RTN4RL1: variants seen among roughly 807,000 people sequenced by gnomAD.
RTN4RL1 encodes the protein reticulon 4 receptor like 1.
In RTN4RL1, 7 loss-of-function variants were observed where a neutral mutation model predicts 25.6. The observed-to-expected ratio is 0.27, with a 90% CI of 0.16 to 0.51. The LOEUF is 0.51. Among genes scored for constraint, RTN4RL1 ranks in the 20% least tolerant of loss-of-function variants. RTN4RL1 has a pLI of 0.97. For synonymous variants in RTN4RL1, 297 were observed against 288.2 expected (o/e 1.03, Z -0.31); for missense variants, 500 against 615.6 (o/e 0.81, Z 1.99).
intron 1 of RTN4RL1, among the ~76,000 whole-genome samples, chr17:1,965,027 T>C (rs2066784116): frequency 1.3e-5 from 2 of 151,352 alleles, no homozygotes; most frequent in African/African-American, 4.8e-5. Flanking sequence ...GACATCGTGA[T>C]CCGCCCGCCT....
chr17:1,977,975 C>T (rs952506068), intron 1 of RTN4RL1, among the ~76,000 whole-genome samples: 16 of 150,518 alleles, frequency 1.1e-4, no homozygotes, highest in African/African-American at 3.7e-4. Flanking sequence ...ACCCCGCACC[C>T]CTCATCCCGC....
Position 1,937,354 on chromosome 17 carries a change from C to A in RTN4RL1, c.468G>T (p.Leu156=). Residue 156 remains leucine, a synonymous_variant, in exon 2 of 2, where the codon CTG becomes CTT. Coordinates refer to ENST00000331238, the MANE Select transcript of RTN4RL1 (RefSeq NM_178568.4). ...GGLHSLQYLY[L]QDNHIEYLQD... ...GGAGGTACTCGATGTGGTTGTCCTGCAGGTAGAGGTACTGCAGGCTGTGCA... is the reference window on the plus strand; with the variant it reads ...GGAGGTACTCGATGTGGTTGTCCTGAAGGTAGAGGTACTGCAGGCTGTGCA... 1 of 1,613,680 alleles carries A rather than the reference C, an allele frequency of 6.2e-7. No homozygotes were observed. The highest frequency in any genetic ancestry group is 8.5e-7 in the Non-Finnish European group (1 of 1,179,894).
chr17:1,957,658 T>C (rs937782588), intron 1 of RTN4RL1, among the ~76,000 whole-genome samples: 2 of 150,434 alleles, frequency 1.3e-5, no homozygotes, highest in Admixed American at 6.6e-5. Context: ...GTGGCCAACA[T>C]GGTGAAACCC....
At chr17:1,946,911 CGT>C (rs1178699712) in intron 1 of RTN4RL1, among the ~76,000 whole-genome samples, 2 of 128,004 alleles carry the variant, frequency 1.6e-5, no homozygotes, top group Non-Finnish European at 3.2e-5. Flanking sequence ...TGTGTATGCA[CGT>C]GTGTCTGTGT....
At chr17:2,015,752 C>A (rs1380748766) in intron 1 of RTN4RL1, among the ~76,000 whole-genome samples, 1 of 151,436 alleles carries the variant, frequency 6.6e-6, no homozygotes, top group Non-Finnish European at 1.5e-5. Flanking sequence ...ACAACCCCTT[C>A]CTTGATCCGG....
chr17:1,961,370 G>A (rs1005148944), intron 1 of RTN4RL1, among the ~76,000 whole-genome samples: 2 of 152,228 alleles, frequency 1.3e-5, no homozygotes, highest in Admixed American at 1.3e-4. Context: ...CCGCATGGGC[G>A]GAGGCCTGGA....
chr17:1,942,423 G>A (rs1250390287), intron 1 of RTN4RL1, among the ~76,000 whole-genome samples: 2 of 152,250 alleles, frequency 1.3e-5, no homozygotes, highest in South Asian at 4.1e-4. Flanking sequence ...ACTAGGAGAT[G>A]GGGGCTCCCA....
chr17:1,962,381 G>A (rs2066768609), intron 1 of RTN4RL1, among the ~76,000 whole-genome samples: 1 of 151,702 alleles, frequency 6.6e-6, no homozygotes, highest in Non-Finnish European at 1.5e-5. Context: ...TTTTTGAGAT[G>A]GGGTCTCACT....
chr17:1,958,900 T>C (rs1019935754), intron 1 of RTN4RL1, among the ~76,000 whole-genome samples: 1 of 152,236 alleles, frequency 6.6e-6, no homozygotes, highest in Non-Finnish European at 1.5e-5. Context: ...TTAGTCAAAA[T>C]ATATCAAATT....
At chr17:2,002,493 C>T (rs562231153) in intron 1 of RTN4RL1, among the ~76,000 whole-genome samples, 331 of 150,746 alleles carry the variant, frequency 2.2e-3, no homozygotes, top group Non-Finnish European at 3.8e-3. Context: ...GGGGTTTCAC[C>T]GTGTTAGCCA....
chr17:1,962,288 A>AAAAG (rs1369587117), intron 1 of RTN4RL1, among the ~76,000 whole-genome samples: 1 of 151,882 alleles, frequency 6.6e-6, no homozygotes, highest in African/African-American at 2.4e-5. Flanking sequence ...GGAAAAAAAA[A>AAAAG]AAAGAAAGTA....
intron 1 of RTN4RL1, among the ~76,000 whole-genome samples, chr17:1,984,704 C>A (rs1289877325): frequency 2.6e-5 from 4 of 152,256 alleles, no homozygotes; most frequent in African/African-American, 9.6e-5. Context: ...CCGTGGCTCA[C>A]GCCTGTAATC....
chr17:1,958,159 C>G (rs1417736352), intron 1 of RTN4RL1, among the ~76,000 whole-genome samples: 1 of 152,212 alleles, frequency 6.6e-6, no homozygotes, highest in African/African-American at 2.4e-5. Context: ...CACTGCACTC[C>G]AGCCTGGGAG....
intron 1 of RTN4RL1, among the ~76,000 whole-genome samples, chr17:1,980,699 G>A (rs1309919959): frequency 2.6e-5 from 4 of 151,744 alleles, no homozygotes; most frequent in South Asian, 2.1e-4. Flanking sequence ...AGGCTGAGGC[G>A]GGCGGATCAC....
At position 2,024,944 on chromosome 17, in the gene RTN4RL1, A is replaced by G; in HGVS notation, c.-79T>C. ...GTCCAGATTCAAATCCCTGGGCGCC[A>G]GCTGCAGCTAATCCGAGCGCGTCGA... On this transcript the variant is annotated 5_prime_UTR_variant, in exon 1 of 2. Coordinates refer to ENST00000331238, the MANE Select transcript of RTN4RL1 (RefSeq NM_178568.4). The G allele has an allele frequency of 2.7e-6, 4 of 1,454,676 alleles. No homozygotes were observed. Among genetic ancestry groups the G allele is most frequent in the Non-Finnish European group, 3.7e-6 (4 of 1,070,540 alleles). The allele number at this position is 1,454,676 out of a possible 1,614,324, so 90.1% of individuals were successfully genotyped here. A position where few individuals can be genotyped will look rare whatever the true frequency, so the allele number is the denominator to read the frequency against.
chr17:1,944,645 C>T (rs376485525), intron 1 of RTN4RL1, among the ~76,000 whole-genome samples: 4 of 152,066 alleles, frequency 2.6e-5, no homozygotes, highest in South Asian at 2.1e-4. Flanking sequence ...TTAGTAGAGA[C>T]GGTGTTTCGT....
chr17:1,999,052 CAG>C (rs2066943535), intron 1 of RTN4RL1, among the ~76,000 whole-genome samples: 1 of 150,002 alleles, frequency 6.7e-6, no homozygotes, highest in Non-Finnish European at 1.5e-5. Flanking sequence ...TCACTCGCCC[CAG>C]AGAGCTGCTC....
chr17:2,016,810 G>A (rs2067130717), intron 1 of RTN4RL1, among the ~76,000 whole-genome samples: 1 of 152,144 alleles, frequency 6.6e-6, no homozygotes, highest in South Asian at 2.1e-4. Flanking sequence ...GACCTCCCTC[G>A]GCCCTGCCTC....
chr17:2,013,450 G>A (rs940985885), intron 1 of RTN4RL1, among the ~76,000 whole-genome samples: 5 of 152,238 alleles, frequency 3.3e-5, no homozygotes, highest in Non-Finnish European at 7.3e-5. Flanking sequence ...CTCTAGCAGC[G>A]GAGCTGGCTT....
Sources: allele counts gnomAD v4.1 joint callset (sites outside exome capture counted in the v4.1 genomes callset), GRCh38; gene constraint gnomAD v4.1.1; transcripts MANE v1.5; gene names NCBI Gene and HGNC (gene_info 2026-07-23, HGNC 2026-07-21).